Variants in ELMO1 observed in about 807,000 individuals in gnomAD.
The protein encoded by ELMO1 is engulfment and cell motility 1.
Under a neutral mutation model 98.9 loss-of-function variants are expected in ELMO1, and 26 were observed. That is an observed-to-expected ratio of 0.26 (90% confidence interval 0.19 to 0.36). The LOEUF is 0.36. ELMO1 is among the 10% of genes least tolerant of loss of function. The probability of loss-of-function intolerance (pLI) is 1.00; values close to 1 mark genes in which losing one functional copy is unlikely to be tolerated. For missense variants in ELMO1, 627 were observed against 935.2 expected (o/e 0.67, Z 4.30); for synonymous variants, 346 against 346.0 (o/e 1.00, Z 0.00).
chr7:37,122,808 C>G (rs914569780), intron 14 of ELMO1, among the ~76,000 whole-genome samples: 1 of 152,212 alleles, frequency 6.6e-6, no homozygotes, highest in Non-Finnish European at 1.5e-5. Flanking sequence ...ACAGAACTCT[C>G]CACCCCAAAT....
At chr7:37,200,359 G>T (rs910432142) in intron 13 of ELMO1, among the ~76,000 whole-genome samples, 2 of 151,624 alleles carry the variant, frequency 1.3e-5, no homozygotes, top group African/African-American at 4.9e-5. Context: ...GAAATTATAG[G>T]AGAGAGCCAC....
intron 13 of ELMO1, among the ~76,000 whole-genome samples, chr7:37,202,327 C>T (rs1034384576): frequency 2.0e-5 from 3 of 152,020 alleles, no homozygotes; most frequent in African/African-American, 4.8e-5. Flanking sequence ...AAAGAGAATA[C>T]CACAAAAATT....
At chr7:36,992,898 C>T (rs1791969780) in intron 16 of ELMO1, among the ~76,000 whole-genome samples, 1 of 152,144 alleles carries the variant, frequency 6.6e-6, no homozygotes, top group Non-Finnish European at 1.5e-5. Flanking sequence ...CTCACACATT[C>T]ACAGGTATTT....
chr7:36,986,078 G>A, intron 16 of ELMO1: 2 of 995,672 alleles, frequency 2.0e-6, no homozygotes, highest in South Asian at 4.7e-5. Flanking sequence ...GTTTCCAGTT[G>A]AGCCATGTGA....
At chr7:36,942,104 C>T (rs1787092858) in intron 16 of ELMO1, among the ~76,000 whole-genome samples, 1 of 152,228 alleles carries the variant, frequency 6.6e-6, no homozygotes, top group Non-Finnish European at 1.5e-5. Flanking sequence ...ACTATACAAT[C>T]ATCATTTCAC....
chr7:37,375,525 T>G (rs1032981260), intron 1 of ELMO1: 13 of 969,018 alleles, frequency 1.3e-5, no homozygotes, highest in Middle Eastern at 3.1e-4. Context: ...CACCAAGATG[T>G]TGATGCCTAA....
At chr7:37,225,465 T>C (rs772157018) in intron 8 of ELMO1, among the ~76,000 whole-genome samples, 1 of 152,200 alleles carries the variant, frequency 6.6e-6, no homozygotes, top group Non-Finnish European at 1.5e-5. Context: ...ATGGCTTTTA[T>C]ATGCTTATTA....
chr7:37,374,672 A>C (rs1201283630), intron 1 of ELMO1, among the ~76,000 whole-genome samples: 2 of 151,762 alleles, frequency 1.3e-5, no homozygotes, highest in Non-Finnish European at 2.9e-5. Context: ...AATCACTTGA[A>C]CCCAGGAGCC....
intron 14 of ELMO1, among the ~76,000 whole-genome samples, chr7:37,105,478 A>G (rs892791571): frequency 1.3e-5 from 2 of 152,228 alleles, no homozygotes; most frequent in Admixed American, 6.5e-5. Flanking sequence ...ATTTAAAGCA[A>G]TAGTTCTCTA....
At chr7:36,970,914 G>A (rs1318831102) in intron 16 of ELMO1, among the ~76,000 whole-genome samples, 1 of 152,202 alleles carries the variant, frequency 6.6e-6, no homozygotes, top group Non-Finnish European at 1.5e-5. Flanking sequence ...GACATGAGGG[G>A]AGAGGCCAGG....
chr7:37,404,453 C>T (rs993413413), intron 1 of ELMO1, among the ~76,000 whole-genome samples: 51 of 152,196 alleles, frequency 3.4e-4, no homozygotes, highest in Admixed American at 5.9e-4. Context: ...CTAGGTCCCA[C>T]GCTATTTTTA....
At chr7:37,087,931 A>G (rs1246168622) in intron 15 of ELMO1, among the ~76,000 whole-genome samples, 2 of 152,318 alleles carry the variant, frequency 1.3e-5, no homozygotes, top group Admixed American at 1.3e-4. Flanking sequence ...GCCCTCCCAC[A>G]GTGAAGATGA....
chr7:37,109,043 C>T (rs1393820753), intron 14 of ELMO1, among the ~76,000 whole-genome samples: 2 of 152,180 alleles, frequency 1.3e-5, no homozygotes, highest in Non-Finnish European at 1.5e-5. Context: ...CTCTAACTTC[C>T]TTCTTCATCA....
intron 7 of ELMO1, among the ~76,000 whole-genome samples, chr7:37,243,592 T>C (rs757152770): frequency 3.3e-5 from 5 of 152,194 alleles, no homozygotes; most frequent in African/African-American, 4.8e-5. Context: ...GTGTGAATGA[T>C]TTGAGACCAG....
At position 37,092,540 on chromosome 7, in the gene ELMO1, G is replaced by A. The variant is rs558406961; in HGVS notation, c.1300+4079C>T. Among the ~76,000 whole-genome samples, 14 of 151,716 alleles carry A rather than the reference G, an allele frequency of 9.2e-5. No individual in the cohort carries two copies. The East Asian group carries it at 2.0e-3, about 21-fold the overall frequency. ...ACTACAGGCACCCGCCACCATGCCC[G>A]GCTAATTTTGTATTTTTTGTAGAGA... On this transcript the variant is annotated intron_variant, in intron 15 of 21. Coordinates refer to ENST00000310758, the MANE Select transcript of ELMO1 (RefSeq NM_014800.11).
chr7:37,110,945 A>G (rs1406879356), intron 14 of ELMO1, among the ~76,000 whole-genome samples: 1 of 152,224 alleles, frequency 6.6e-6, no homozygotes, highest in Non-Finnish European at 1.5e-5. Context: ...TACATCAAAT[A>G]CATATTTATG....
At chr7:37,168,936 C>A (rs1289081060) in intron 13 of ELMO1, among the ~76,000 whole-genome samples, 1 of 152,158 alleles carries the variant, frequency 6.6e-6, no homozygotes, top group African/African-American at 2.4e-5. Flanking sequence ...GTGCCCTGTC[C>A]CCAGAGGTGG....
chr7:37,261,361 G>T lies in ELMO1; in HGVS notation c.244-2011C>A, dbSNP rs1214286953. 3.9e-5 allele frequency among the ~76,000 whole-genome samples: 6 copies of T among 152,130 alleles called. No individual in the cohort carries two copies. The East Asian group carries it at 1.2e-3, about 29-fold the overall frequency. On this transcript the variant is annotated intron_variant, in intron 5 of 21. Transcript: ENST00000310758. ...TCCAGAAAACACATTGTAAACAGTGGATCTCAAATTGTTGCCTGTGTAAGA... is the reference window on the plus strand; with the variant it reads ...TCCAGAAAACACATTGTAAACAGTGTATCTCAAATTGTTGCCTGTGTAAGA...
intron 1 of ELMO1, among the ~76,000 whole-genome samples, chr7:37,370,980 C>T (rs986003270): frequency 6.6e-6 from 1 of 152,202 alleles, no homozygotes; most frequent in Non-Finnish European, 1.5e-5. Context: ...TTACAACATC[C>T]TCCTAATAGC....
Sources: allele counts gnomAD v4.1 joint callset (sites outside exome capture counted in the v4.1 genomes callset), GRCh38; gene constraint gnomAD v4.1.1; transcripts MANE v1.5; gene names NCBI Gene and HGNC (gene_info 2026-07-23, HGNC 2026-07-21).